MAP2: variants seen among roughly 807,000 people sequenced by gnomAD.
MAP2 encodes the protein microtubule-associated protein 2.
A neutral mutation model predicts 137.6 loss-of-function variants in MAP2; 14 were observed. The ratio of observed to expected loss-of-function variants is 0.10; its 90% CI spans 0.07 to 0.16. MAP2 has a LOEUF of 0.16. Ranked by LOEUF, MAP2 falls within the 10% of genes least tolerant of loss-of-function variation. The pLI, the probability that MAP2 is intolerant of heterozygous loss-of-function variation, is 1.00. For synonymous variants in MAP2, 786 were observed against 782.3 expected (o/e 1.00, Z -0.08); for missense variants, 2,088 against 2,191.5 (o/e 0.95, Z 0.94).
rs1033941758 is a variant in MAP2 at position 209,583,240 on chromosome 2, C to T, written c.-107+3140C>T. 2.6e-5 allele frequency among the ~76,000 whole-genome samples: 4 copies of T among 151,578 alleles called. No homozygotes were observed. The East Asian group carries it at 5.8e-4, about 22-fold the overall frequency. On this transcript the variant is annotated intron_variant, in intron 3 of 15. Coordinates refer to ENST00000682079, the MANE Select transcript of MAP2 (RefSeq NM_001375505.1). ...GTAGAAGTGAATATGTCCTCAAATA[C>T]TTAACTAATATTCAAGCTCTATTGT...
chr2:209,464,095 A>T (rs1238702780), intron 1 of MAP2, among the ~76,000 whole-genome samples: 1 of 152,122 alleles, frequency 6.6e-6, no homozygotes, highest in African/African-American at 2.4e-5. Flanking sequence ...ATTTTTCTTC[A>T]TGAACAGGTC....
At chr2:209,656,108 A>T (rs1056917140) in intron 5 of MAP2, among the ~76,000 whole-genome samples, 1 of 152,122 alleles carries the variant, frequency 6.6e-6, no homozygotes, top group East Asian at 1.9e-4. Flanking sequence ...TTCAATGTTC[A>T]TCTTTATTAT....
chr2:209,457,773 G>T (rs1701887631), intron 1 of MAP2, among the ~76,000 whole-genome samples: 1 of 152,116 alleles, frequency 6.6e-6, no homozygotes, highest in African/African-American at 2.4e-5. Context: ...GGAGATGGGG[G>T]ATTATAGCCC....
chr2:209,661,753 A>G, intron 5 of MAP2: 1 of 911,316 alleles, frequency 1.1e-6, no homozygotes, highest in Non-Finnish European at 1.3e-6. Context: ...ATTAGCTTCA[A>G]TCATAATATT....
At chr2:209,540,987 A>T (rs1361419010) in intron 2 of MAP2, among the ~76,000 whole-genome samples, 1 of 151,090 alleles carries the variant, frequency 6.6e-6, no homozygotes, top group African/African-American at 2.5e-5. Context: ...ATGTCTAAAA[A>T]GTACATACCT....
intron 11 of MAP2, among the ~76,000 whole-genome samples, chr2:209,702,881 TCA>T: frequency 6.6e-6 from 1 of 152,220 alleles, no homozygotes; most frequent in Admixed American, 6.6e-5. Context: ...GATAAAAATC[TCA>T]GTTTTATCTG....
intron 3 of MAP2, among the ~76,000 whole-genome samples, chr2:209,618,975 TTGGATAAACC>T: frequency 6.6e-6 from 1 of 152,272 alleles, no homozygotes; most frequent in East Asian, 1.9e-4. Context: ...TTGCAACTAC[TTGGATAAACC>T]TGGAGGACAT....
intron 2 of MAP2, among the ~76,000 whole-genome samples, chr2:209,547,712 A>G (rs1253793049): frequency 1.3e-5 from 2 of 152,118 alleles, no homozygotes; most frequent in Non-Finnish European, 2.9e-5. Context: ...CTGACCTCAT[A>G]GTGGTTGTAA....
chr2:209,606,629 G>GA (rs2153474844), intron 3 of MAP2, among the ~76,000 whole-genome samples: 1 of 152,218 alleles, frequency 6.6e-6, no homozygotes, highest in East Asian at 1.9e-4. Context: ...TATTAAATTG[G>GA]ACATATGAAA....
chr2:209,724,037 T>C (rs909114933), intron 13 of MAP2, among the ~76,000 whole-genome samples: 1 of 152,176 alleles, frequency 6.6e-6, no homozygotes, highest in African/African-American at 2.4e-5. Context: ...ACTACAAAAG[T>C]CAGCTGGGCA....
chr2:209,430,552 A>G (rs1279462650), intron 1 of MAP2, among the ~76,000 whole-genome samples: 2 of 152,206 alleles, frequency 1.3e-5, no homozygotes, highest in Non-Finnish European at 2.9e-5. Flanking sequence ...ATCAAATTAG[A>G]TTAATATTAA....
intron 4 of MAP2, among the ~76,000 whole-genome samples, chr2:209,650,024 G>C (rs1363479951): frequency 6.6e-6 from 1 of 152,136 alleles, no homozygotes; most frequent in East Asian, 1.9e-4. Flanking sequence ...TTACCAAGTA[G>C]CACTCTCTCT....
intron 2 of MAP2, among the ~76,000 whole-genome samples, chr2:209,508,658 C>T (rs1576631774): frequency 6.6e-6 from 1 of 151,132 alleles, no homozygotes; most frequent in Non-Finnish European, 1.5e-5. Context: ...TCAAACTGTG[C>T]TTTCCTATCT....
intron 1 of MAP2, among the ~76,000 whole-genome samples, chr2:209,434,885 T>TTATA (rs60440231): frequency 1.6e-4 from 12 of 74,670 alleles, no homozygotes; most frequent in African/African-American, 3.5e-4. Flanking sequence ...TATATATATG[T>TTATA]TATATATATG....
At chr2:209,433,700 G>T (rs1171690112) in intron 1 of MAP2, among the ~76,000 whole-genome samples, 1 of 152,008 alleles carries the variant, frequency 6.6e-6, no homozygotes, top group African/African-American at 2.4e-5. Flanking sequence ...GAAATCAATG[G>T]TGGAAACAAG....
At chr2:209,697,085 CAT>C (rs1397598343) in intron 10 of MAP2, 34 bp downstream of exon 10, 1 of 1,539,150 alleles carries the variant, frequency 6.5e-7, no homozygotes, top group African/African-American at 1.4e-5. Context: ...GACTGGCAAA[CAT>C]AGACATGTAT....
At chr2:209,583,147 GTCTATCTATCTA>G (rs3036663) in intron 3 of MAP2, among the ~76,000 whole-genome samples, 43 of 147,152 alleles carry the variant, frequency 2.9e-4, no homozygotes, top group African/African-American at 1.0e-3. Flanking sequence ...CTGTCTGTCT[GTCTATCTATCTA>G]TCTATCTATC....
chr2:209,667,271 AAG>A (rs2046755575), intron 5 of MAP2, among the ~76,000 whole-genome samples: 1 of 152,056 alleles, frequency 6.6e-6, no homozygotes. Context: ...GTCCAAGAAA[AAG>A]AGCAAAAACA....
At chr2:209,431,151 C>T (rs992463661) in intron 1 of MAP2, among the ~76,000 whole-genome samples, 2 of 152,084 alleles carry the variant, frequency 1.3e-5, no homozygotes, top group Non-Finnish European at 2.9e-5. Context: ...GACATTCTTA[C>T]TGCCTTATTT....
Sources: allele counts gnomAD v4.1 joint callset (sites outside exome capture counted in the v4.1 genomes callset), GRCh38; gene constraint gnomAD v4.1.1; transcripts MANE v1.5; gene names NCBI Gene and HGNC (gene_info 2026-07-23, HGNC 2026-07-21).